The following CUL4A variants were observed in gnomAD, a reference collection of about 807,000 sequenced individuals.
CUL4A encodes the protein cullin 4A.
A neutral mutation model predicts 95.5 loss-of-function variants in CUL4A; 16 were observed. The observed-to-expected ratio is 0.17, with a 90% CI of 0.11 to 0.25. The LOEUF (loss-of-function observed/expected upper bound fraction) is 0.25. CUL4A is among the 10% of genes least tolerant of loss of function. The pLI is 1.00. For missense variants in CUL4A, 610 were observed against 937.0 expected (o/e 0.65, Z 4.56); for synonymous variants, 380 against 353.1 (o/e 1.08, Z -0.85).
At chr13:113,228,707 G>A (rs1203372765) in intron 4 of CUL4A, among the ~76,000 whole-genome samples, 2 of 151,960 alleles carry the variant, frequency 1.3e-5, no homozygotes, top group African/African-American at 2.4e-5. Context: ...CCCTCACTCT[G>A]CTCGCAACGC....
chr13:113,208,491 G>A (rs957528540), upstream of CUL4A: 1 of 1,544,348 alleles, frequency 6.5e-7, no homozygotes, highest in East Asian at 2.5e-5. Context: ...ACGGAAGAAG[G>A]GTGGCGAGGC....
intron 19 of CUL4A, among the ~76,000 whole-genome samples, chr13:113,261,134 A>G (rs1447989164): frequency 1.3e-5 from 2 of 152,160 alleles, no homozygotes; most frequent in African/African-American, 4.8e-5. Context: ...TACAGCCTAC[A>G]CCGCGTTTTC....
chr13:113,213,207 G>A (rs1161349016), intron 2 of CUL4A, among the ~76,000 whole-genome samples: 1 of 152,082 alleles, frequency 6.6e-6, no homozygotes, highest in Non-Finnish European at 1.5e-5. Flanking sequence ...AGGCAACATG[G>A]TGAAACCCCA....
chr13:113,254,913 G>GT, intron 17 of CUL4A, 40 bp from the exon 18 acceptor site: 7 of 1,606,622 alleles, frequency 4.4e-6, no homozygotes, highest in Middle Eastern at 1.7e-4. Flanking sequence ...AGTCTCATTC[G>GT]TTTAACGCCA....
chr13:113,248,340 C>A (rs1334933814), intron 15 of CUL4A, among the ~76,000 whole-genome samples: 1 of 152,000 alleles, frequency 6.6e-6, no homozygotes, highest in Non-Finnish European at 1.5e-5. Context: ...TTATTTATTT[C>A]TCTCTCTTTA....
Position 113,239,537 on chromosome 13 carries a change from A to C in CUL4A, c.1021A>C (p.Ser341Arg). ...GCAGCAGGCGCTGCTGCAGCACTGG[A>C]GCGAGTACATCAAGGTACTGGCGGG... ...GGQQALLQHW[S>R]EYIKTFGTAI... Residue 341 changes from serine to arginine, a missense_variant, in exon 10 of 20, where the codon AGC becomes CGC. Coordinates refer to ENST00000375440, the MANE Select transcript of CUL4A (RefSeq NM_001008895.4). 1 of 1,612,852 alleles carries C rather than the reference A, an allele frequency of 6.2e-7. No individual in the cohort carries two copies. The highest frequency in any genetic ancestry group is 8.5e-7 in the Non-Finnish European group (1 of 1,179,436).
At chr13:113,215,190 G>A (rs1595346970) in intron 2 of CUL4A, among the ~76,000 whole-genome samples, 1 of 143,894 alleles carries the variant, frequency 6.9e-6, no homozygotes, top group Middle Eastern at 4.0e-3. Flanking sequence ...CGTCCGTGTG[G>A]CTATGGAGGT....
intron 3 of CUL4A, among the ~76,000 whole-genome samples, chr13:113,221,902 A>G (rs2040912363): frequency 6.6e-6 from 1 of 152,220 alleles, no homozygotes; most frequent in Non-Finnish European, 1.5e-5. Flanking sequence ...AAAGGTTCAG[A>G]TAAGCTCCTG....
chr13:113,244,180 G>A, intron 11 of CUL4A: 1 of 408,544 alleles, frequency 2.4e-6, no homozygotes. Context: ...AGATAAGAAA[G>A]ATATTTAAAC....
chr13:113,234,547 T>C (rs2041473931), intron 7 of CUL4A, among the ~76,000 whole-genome samples: 1 of 152,222 alleles, frequency 6.6e-6, no homozygotes, highest in African/African-American at 2.4e-5. Context: ...TGTCAGATAC[T>C]GAGCCCAGCT....
At chr13:113,248,647 C>T (rs891197458) in intron 15 of CUL4A, among the ~76,000 whole-genome samples, 20 of 152,246 alleles carry the variant, frequency 1.3e-4, no homozygotes, top group African/African-American at 4.6e-4. Flanking sequence ...CCAGGACTCC[C>T]ACAGATACTA....
At chr13:113,242,702 C>T (rs1379166866) in intron 10 of CUL4A, among the ~76,000 whole-genome samples, 1 of 152,126 alleles carries the variant, frequency 6.6e-6, no homozygotes, top group Non-Finnish European at 1.5e-5. Flanking sequence ...GGGAGGATTG[C>T]TTGAGCTTGG....
Position 113,255,084 on chromosome 13 carries a change from T to C in CUL4A, c.1990T>C (p.Leu664=), listed in dbSNP as rs2042087803. Residue 664 remains leucine, a synonymous_variant, in exon 18 of 20, where the codon TTG becomes CTG. Transcript: ENST00000375440. ...FIFNGEFKHK[L]FRIKINQIQM... ...TTTTAATGGAGAGTTCAAGCACAAGTTGTTTAGAATAAAGATCAATCAAAT... is the reference window on the plus strand; with the variant it reads ...TTTTAATGGAGAGTTCAAGCACAAGCTGTTTAGAATAAAGATCAATCAAAT... 1 of 1,613,802 alleles carries C rather than the reference T, an allele frequency of 6.2e-7. No individual in the cohort carries two copies. The highest frequency in any genetic ancestry group is 1.7e-5 in the Admixed American group (1 of 59,964).
chr13:113,241,505 T>C (rs1199079604), intron 10 of CUL4A, among the ~76,000 whole-genome samples: 1 of 147,388 alleles, frequency 6.8e-6, no homozygotes, highest in African/African-American at 2.5e-5. Context: ...CCCTTTCTGT[T>C]GGCATCTTTT....
rs76579515 is a variant in CUL4A at position 113,225,843 on chromosome 13, T to A, written c.369-2133T>A. ...AGATTCCTAATATAATGAGCCATTATAATTTTGAACAATTTGTAAAGAGTA... is the reference window on the plus strand; with the variant it reads ...AGATTCCTAATATAATGAGCCATTAAAATTTTGAACAATTTGTAAAGAGTA... On this transcript the variant is annotated intron_variant, in intron 3 of 19. Coordinates refer to ENST00000375440, the MANE Select transcript of CUL4A (RefSeq NM_001008895.4). 3.4e-4 allele frequency among the ~76,000 whole-genome samples: 52 copies of A among 152,384 alleles called. 1 individual carries two copies. The highest frequency in any genetic ancestry group is 1.2e-3 in the African/African-American group (49 of 41,600).
intron 3 of CUL4A, among the ~76,000 whole-genome samples, chr13:113,225,400 T>C (rs1312350634): frequency 1.3e-5 from 2 of 152,266 alleles, no homozygotes; most frequent in African/African-American, 4.8e-5. Context: ...GTAGTTTTTT[T>C]CTGTGGGAAA....
chr13:113,250,707 A>G (rs2041972385), intron 15 of CUL4A, among the ~76,000 whole-genome samples: 1 of 152,184 alleles, frequency 6.6e-6, no homozygotes, highest in Non-Finnish European at 1.5e-5. Flanking sequence ...TCTCAAGGCA[A>G]AAAGAAAGAA....
chr13:113,257,365 T>G (rs1467952849), intron 18 of CUL4A, among the ~76,000 whole-genome samples: 1 of 152,232 alleles, frequency 6.6e-6, no homozygotes, highest in East Asian at 1.9e-4. Context: ...GCCATTCTTG[T>G]ATTACTATAA....
At chr13:113,247,778 C>T (rs1005126896) in intron 15 of CUL4A, among the ~76,000 whole-genome samples, 10 of 152,186 alleles carry the variant, frequency 6.6e-5, no homozygotes, top group Non-Finnish European at 1.3e-4. Context: ...CTGCACCATT[C>T]CCTTTCCCCT....
Sources: allele counts gnomAD v4.1 joint callset (sites outside exome capture counted in the v4.1 genomes callset), GRCh38; gene constraint gnomAD v4.1.1; transcripts MANE v1.5; gene names NCBI Gene and HGNC (gene_info 2026-07-23, HGNC 2026-07-21).